Variants in SERPINF1 observed in about 807,000 individuals in gnomAD.
SERPINF1 encodes the protein serpin family F member 1, also known as pigment epithelium-derived factor.
A neutral mutation model predicts 37.3 loss-of-function variants in SERPINF1; 29 were observed. That is an observed-to-expected ratio of 0.78 (90% CI 0.58 to 1.06). The LOEUF (loss-of-function observed/expected upper bound fraction) is 1.06, where lower values mean the gene tolerates loss of function less well. Ranked by LOEUF, SERPINF1 falls within the 50% of genes least tolerant of loss-of-function variation. SERPINF1 has a pLI of 0.00. For missense variants in SERPINF1, 553 were observed against 532.2 expected, an observed-to-expected ratio of 1.04 and a Z score of -0.38; for synonymous variants, 281 against 227.9, an observed-to-expected ratio of 1.23 and a Z score of -2.10.
intron 5 of SERPINF1, among the ~76,000 whole-genome samples, chr17:1,773,913 C>G (rs1464016805): frequency 6.6e-6 from 1 of 152,164 alleles, no homozygotes; most frequent in African/African-American, 2.4e-5. Context: ...AGAGCGGCCC[C>G]CGAGCCTGGA....
At position 1,776,847 on chromosome 17, in the gene SERPINF1, G is replaced by A. The variant is rs1015625969; in HGVS notation, c.997+105G>A. 1.6e-4 allele frequency: 173 copies of A among 1,060,046 alleles called. 1 individual carries two copies. The Admixed American group carries it at 3.2e-3, about 20-fold the overall frequency. The allele number at this position is 1,060,046 out of a possible 1,614,324, so 65.7% of individuals were successfully genotyped here. On this transcript the variant is annotated intron_variant, in intron 7 of 7. Transcript: ENST00000254722. ...AACGCAAGGGCTCCACAGGCTTGTA[G>A]GGGGGCCGTGGATGAGTCCTTAATC... is the stretch of plus-strand genomic sequence containing the variant.
At chr17:1,765,887 A>T (rs893118705) in intron 1 of SERPINF1, among the ~76,000 whole-genome samples, 35 of 145,190 alleles carry the variant, frequency 2.4e-4, no homozygotes, top group Non-Finnish European at 4.7e-4. Context: ...AAAAAAAAAA[A>T]AATTTCAAAT....
intron 7 of SERPINF1, 130 bp downstream of exon 7, chr17:1,776,872 C>A: frequency 1.2e-6 from 1 of 848,936 alleles, no homozygotes; most frequent in Non-Finnish European, 1.9e-6. Flanking sequence ...AGTCCTTAAT[C>A]CTCATCGTGC....
In SERPINF1 at chr17:1,776,601, T is replaced by G; in HGVS notation, c.856T>G (p.Leu286Val). 1.2e-6 allele frequency: 2 copies of G among 1,613,938 alleles called. No individual in the cohort carries two copies. The highest frequency in any genetic ancestry group is 4.5e-5 in the East Asian group (2 of 44,850). The change falls in exon 7 of 8, where the codon TTG becomes GTG. Residue 286 changes from leucine to valine, a missense_variant. Transcript: ENST00000254722. ...CCTGCCCCTGAAAGTGACCCAGAATTTGACCTTGATAGAGGAGAGCCTCAC... is the reference window on the plus strand; with the variant it reads ...CCTGCCCCTGAAAGTGACCCAGAATGTGACCTTGATAGAGGAGAGCCTCAC... ...FFLPLKVTQNLTLIEESLTSE... is the reference protein window; with the variant it reads ...FFLPLKVTQNVTLIEESLTSE...
intron 5 of SERPINF1, 100 bp from the exon 6 acceptor site, chr17:1,774,958 G>C: frequency 1.3e-6 from 2 of 1,492,206 alleles, no homozygotes; most frequent in Non-Finnish European, 9.3e-7. Flanking sequence ...AAGCTCCCTT[G>C]AGTGGGGCAA....
intron 3 of SERPINF1, chr17:1,770,626 A>G: frequency 3.8e-6 from 1 of 265,398 alleles, no homozygotes; most frequent in Non-Finnish European, 7.4e-6. Context: ...TGCCCAGCTA[A>G]TTTTTGTATT....
chr17:1,769,964 A>G lies in SERPINF1; in HGVS notation c.197A>G (p.Tyr66Cys). 1 of 1,614,104 alleles carries G rather than the reference A, an allele frequency of 6.2e-7. No individual in the cohort carries two copies. The change falls in exon 3 of 8, where the codon TAC becomes TGC. Residue 66 changes from tyrosine (Y) to cysteine (C), a missense_variant. Transcript: ENST00000254722. ...GTCTCCAACTTCGGCTATGACCTGT[A>G]CCGGGTGCGATCCAGCACGAGCCCC... ...AAVSNFGYDL[Y>C]RVRSSTSPTT...
chr17:1,769,975 T>G lies in SERPINF1; in HGVS notation c.208T>G (p.Ser70Ala), dbSNP rs1907620951. 6.2e-7 allele frequency: 1 copy of G among 1,613,988 alleles called. No individual in the cohort carries two copies. Among genetic ancestry groups the G allele is most frequent in the Admixed American group, 1.7e-5 (1 of 59,992 alleles). ...CGGCTATGACCTGTACCGGGTGCGA[T>G]CCAGCACGAGCCCCACGACCAACGT... Reference protein sequence around the residue: ...NFGYDLYRVRSSTSPTTNVLL... With the variant: ...NFGYDLYRVRASTSPTTNVLL... Residue 70 changes from serine to alanine, a missense_variant, in exon 3 of 8, where the codon TCC (serine) becomes GCC (alanine). Transcript: ENST00000254722.
Position 1,776,637 on chromosome 17 carries a change from A to G in SERPINF1, c.892A>G (p.Ile298Val), listed in dbSNP as rs770365262. The G allele has an allele frequency of 5.0e-6, 8 of 1,614,058 alleles. No homozygotes were observed. In the South Asian group the frequency reaches 8.8e-5, roughly 18 times the overall value. The part of the protein sequence containing the change: ...LIEESLTSEF[I>V]HDIDRELKTV... ...AGAGGAGAGCCTCACCTCCGAGTTCATTCATGACATAGACCGAGAACTGAA... is the reference window on the plus strand; with the variant it reads ...AGAGGAGAGCCTCACCTCCGAGTTCGTTCATGACATAGACCGAGAACTGAA... Residue 298 changes from isoleucine (I) to valine (V), a missense_variant, in exon 7 of 8, where the codon ATT (isoleucine) becomes GTT (valine). Physicochemically the swap from Ile to Val is conservative, Grantham distance 29 (BLOSUM62 3). Transcript: ENST00000254722.
rs1907706402 is a variant in SERPINF1, at chr17:1,771,139, C to A, written c.394C>A (p.Pro132Thr). The A allele has an allele frequency of 2.5e-6, 4 of 1,614,130 alleles. No individual in the cohort carries two copies. The highest frequency in any genetic ancestry group is 1.7e-4 in the Middle Eastern group (1 of 6,060). Residue 132 changes from proline (P) to threonine (T), a missense_variant, in exon 4 of 8, where the codon CCC (proline) becomes ACC (threonine). Physicochemically the swap from Pro to Thr is conservative, Grantham distance 38 (BLOSUM62 -1). Coordinates refer to ENST00000254722, the MANE Select transcript of SERPINF1 (RefSeq NM_002615.7). ...GGAGCTCCTTGACACGGTCACTGCC[C>A]CCCAGAAGAACCTCAAGAGTGCCTC... is the stretch of plus-strand genomic sequence containing the variant. ...YKELLDTVTA[P>T]QKNLKSASRI...
rs1907949178 is a variant in SERPINF1, at chr17:1,775,132, A to G, written c.718A>G (p.Arg240Gly). 1 of 1,609,778 alleles carries G rather than the reference A, an allele frequency of 6.2e-7. No individual in the cohort carries two copies. Among genetic ancestry groups the G allele is most frequent in the Non-Finnish European group, 8.5e-7 (1 of 1,177,602 alleles). ...CTACTTGGATGAAGAGAGGACCGTG[A>G]GGGTCCCCATGATGTCGGACCCTAA... is the stretch of plus-strand genomic sequence containing the variant. Reference protein sequence around the residue: ...DFYLDEERTVRVPMMSDPKAV... With the variant: ...DFYLDEERTVGVPMMSDPKAV... The change falls in exon 6 of 8, where the codon AGG becomes GGG. Residue 240 changes from arginine to glycine, a missense_variant. Physicochemically the swap from Arg to Gly is moderately radical, Grantham distance 125. Coordinates refer to ENST00000254722, the MANE Select transcript of SERPINF1 (RefSeq NM_002615.7).
At position 1,772,027 on chromosome 17, in the gene SERPINF1, A is replaced by G; in HGVS notation, c.595A>G (p.Ile199Val). ...KGKLARSTKEIPDEISILLLG... is the reference protein window; with the variant it reads ...KGKLARSTKEVPDEISILLLG... ...GAAGCTCGCCAGGTCCACAAAGGAA[A>G]TTCCCGATGAGATCAGCATTCTCCT... Residue 199 changes from isoleucine to valine, a missense_variant, in exon 5 of 8, where the codon ATT (isoleucine) becomes GTT (valine). Physicochemically the swap from Ile to Val is conservative, Grantham distance 29. Coordinates refer to ENST00000254722, the MANE Select transcript of SERPINF1 (RefSeq NM_002615.7). 2 of 1,613,714 alleles carry G rather than the reference A, an allele frequency of 1.2e-6. No homozygotes were observed. Among genetic ancestry groups the G allele is most frequent in the Non-Finnish European group, 8.5e-7 (1 of 1,179,966 alleles).
chr17:1,775,984 GCA>G (rs1216339164), intron 6 of SERPINF1, among the ~76,000 whole-genome samples: 1 of 152,192 alleles, frequency 6.6e-6, no homozygotes, highest in African/African-American at 2.4e-5. Context: ...CGCCAGGTGT[GCA>G]CACACGTTTC....
rs550222524 is a variant in SERPINF1 at position 1,767,370 on chromosome 17, G to A, written c.84+376G>A. On this transcript the variant is annotated intron_variant, in intron 2 of 7. Transcript: ENST00000254722. The stretch of plus-strand genomic sequence containing the variant: ...TTGGTCAGGCTGGTCTCGAACTCCC[G>A]ACCTCAAGTGATTCTCCTGCCTCGG... Among the ~76,000 whole-genome samples the A allele has an allele frequency of 3.9e-5, 6 of 152,246 alleles. No individual in the cohort carries two copies. The East Asian group carries it at 9.7e-4, about 24-fold the overall frequency.
chr17:1,768,679 G>T (rs925341816), intron 2 of SERPINF1, among the ~76,000 whole-genome samples: 2 of 151,754 alleles, frequency 1.3e-5, no homozygotes, highest in Middle Eastern at 3.2e-3. Context: ...GCCTCACCAT[G>T]TTGCTCAGGT....
chr17:1,769,627 T>TAA (rs1165583284), intron 2 of SERPINF1: 25 of 510,264 alleles, frequency 4.9e-5, no homozygotes, highest in African/African-American at 1.2e-4. Context: ...CTGTCTCAAA[T>TAA]AAAAAAAAAA....
intron 6 of SERPINF1, among the ~76,000 whole-genome samples, chr17:1,776,182 A>T (rs1281055636): frequency 6.6e-6 from 1 of 152,152 alleles, no homozygotes; most frequent in Non-Finnish European, 1.5e-5. Context: ...AGTGCTCTCT[A>T]TTTAACAAAT....
rs1908043390 is a variant in SERPINF1, at chr17:1,776,593, C to T, written c.848C>T (p.Thr283Ile). Reference protein sequence around the residue: ...SIIFFLPLKVTQNLTLIEESL... With the variant: ...SIIFFLPLKVIQNLTLIEESL... ...ATCTTCTTCCTGCCCCTGAAAGTGA[C>T]CCAGAATTTGACCTTGATAGAGGAG... The change falls in exon 7 of 8, where the codon ACC (threonine) becomes ATC (isoleucine). Residue 283 changes from threonine to isoleucine, a missense_variant. Thr to Ile is a moderately conservative substitution (Grantham distance 89). Coordinates refer to ENST00000254722, the MANE Select transcript of SERPINF1 (RefSeq NM_002615.7). 6.2e-7 allele frequency: 1 copy of T among 1,613,864 alleles called. No homozygotes were observed. The highest frequency in any genetic ancestry group is 1.3e-5 in the African/African-American group (1 of 74,840).
intron 1 of SERPINF1, chr17:1,766,631 G>A (rs978484908): frequency 3.2e-5 from 11 of 345,282 alleles, no homozygotes; most frequent in East Asian, 9.4e-5. Flanking sequence ...GTCCCCTGAC[G>A]CAGACAGTGG....
Sources: allele counts gnomAD v4.1 joint callset (sites outside exome capture counted in the v4.1 genomes callset), GRCh38; gene constraint gnomAD v4.1.1; transcripts MANE v1.5; gene names NCBI Gene and HGNC (gene_info 2026-07-23, HGNC 2026-07-21).